MAF: variants seen among roughly 807,000 people sequenced by gnomAD.
MAF encodes the protein transcription factor Maf.
MAF carries 10 observed loss-of-function variants against 22.0 expected under a neutral mutation model. The observed-to-expected ratio is 0.45, with a 90% CI of 0.28 to 0.77. MAF has a LOEUF of 0.77. MAF is among the 30% of genes least tolerant of loss of function. The pLI is 0.12. For missense variants in MAF, 544 were observed against 548.4 expected (o/e 0.99, Z 0.08); for synonymous variants, 337 against 255.8 (o/e 1.32, Z -3.03).
chr16:79,420,897 G>T, the MAF span, among the ~76,000 whole-genome samples: 1 of 152,142 alleles, frequency 6.6e-6, no homozygotes, highest in Non-Finnish European at 1.5e-5. Context: ...ATCCAGGCAT[G>T]GGGGCAGGCA....
chr16:79,251,589 T>A, the MAF span, among the ~76,000 whole-genome samples: 1 of 152,212 alleles, frequency 6.6e-6, no homozygotes, highest in East Asian at 1.9e-4. Context: ...AGTGCTGGCA[T>A]GAGCCACTGC....
At chr16:79,434,072 G>C in the MAF span, among the ~76,000 whole-genome samples, 1 of 152,278 alleles carries the variant, frequency 6.6e-6, no homozygotes, top group Admixed American at 6.5e-5. Flanking sequence ...GTGAAGACTA[G>C]AGTCAAATAG....
chr16:79,222,003 A>T, the MAF span, among the ~76,000 whole-genome samples: 1 of 152,182 alleles, frequency 6.6e-6, no homozygotes, highest in Non-Finnish European at 1.5e-5. Context: ...AAATAATATC[A>T]TGAGAAACCG....
chr16:79,212,677 G>GTT, the MAF span: 1 of 151,780 alleles, frequency 6.6e-6, no homozygotes, highest in East Asian at 2.0e-4. Context: ...ATCACCTGAA[G>GTT]TTTGTATTGT....
chr16:79,212,149 A>C, the MAF span: 58 of 1,511,658 alleles, frequency 3.8e-5, no homozygotes, highest in Non-Finnish European at 5.0e-5. Flanking sequence ...CCCTCGTCCC[A>C]TCCAGCTACC....
chr16:79,221,624 C>G, the MAF span, among the ~76,000 whole-genome samples: 1 of 152,204 alleles, frequency 6.6e-6, no homozygotes, highest in Admixed American at 6.5e-5. Context: ...GCAGTTAATC[C>G]TAAAACAAGG....
At chr16:79,213,021 A>T in the MAF span, 1 of 92,646 alleles carries the variant, frequency 1.1e-5, no homozygotes, top group Non-Finnish European at 2.7e-5. Context: ...TGCAATTAGC[A>T]AGTACTTAGT....
the MAF span, among the ~76,000 whole-genome samples, chr16:79,349,775 C>T: frequency 6.6e-6 from 1 of 152,338 alleles, no homozygotes; most frequent in South Asian, 2.1e-4. Context: ...CCTCCTTGGG[C>T]TGCTAGCTAG....
At chr16:79,491,212 G>A in the MAF span, among the ~76,000 whole-genome samples, 1 of 152,100 alleles carries the variant, frequency 6.6e-6, no homozygotes, top group Non-Finnish European at 1.5e-5. Context: ...ACAGCAGTGA[G>A]GACCAGACTC....
At chr16:79,580,673 A>G in the MAF span, among the ~76,000 whole-genome samples, 1 of 152,106 alleles carries the variant, frequency 6.6e-6, no homozygotes, top group Non-Finnish European at 1.5e-5. Context: ...TCCTGGCCCC[A>G]TCACAAATTC....
At chr16:79,369,419 T>G in the MAF span, among the ~76,000 whole-genome samples, 6 of 152,346 alleles carry the variant, frequency 3.9e-5, no homozygotes, top group South Asian at 1.2e-3. Context: ...CTGCTATGTT[T>G]AGACAAACAT....
the MAF span, among the ~76,000 whole-genome samples, chr16:79,470,391 G>C: frequency 2.6e-5 from 4 of 152,156 alleles, no homozygotes; most frequent in African/African-American, 9.6e-5. Flanking sequence ...GGGCCCAGGG[G>C]ACCAGGATGG....
the MAF span, among the ~76,000 whole-genome samples, chr16:79,232,944 C>T: frequency 0.072 from 10,910 of 150,746 alleles, 565 homozygotes; most frequent in Middle Eastern, 0.15. Context: ...GGGTTCACGC[C>T]ATTCTCCTGC....
chr16:79,279,512 A>C, the MAF span, among the ~76,000 whole-genome samples: 2 of 152,192 alleles, frequency 1.3e-5, no homozygotes, highest in Non-Finnish European at 2.9e-5. Flanking sequence ...AGCGGGGAGC[A>C]CAGGCCAGGA....
chr16:79,579,822 G>A, the MAF span, among the ~76,000 whole-genome samples: 3 of 152,054 alleles, frequency 2.0e-5, no homozygotes, highest in Non-Finnish European at 4.4e-5. Flanking sequence ...ATTATTATTA[G>A]TGTGGAAGGA....
chr16:79,531,106 C>A, the MAF span, among the ~76,000 whole-genome samples: 1 of 152,214 alleles, frequency 6.6e-6, no homozygotes, highest in East Asian at 1.9e-4. Flanking sequence ...GTACTCTTAA[C>A]TTTCTAGATG....
At chr16:79,351,566 C>A in the MAF span, among the ~76,000 whole-genome samples, 5 of 152,072 alleles carry the variant, frequency 3.3e-5, no homozygotes, top group African/African-American at 4.8e-5. Context: ...GTCACAGAGA[C>A]CCAGAATCTC....
the MAF span, among the ~76,000 whole-genome samples, chr16:79,494,882 A>C: frequency 6.6e-6 from 1 of 152,084 alleles, no homozygotes; most frequent in Admixed American, 6.5e-5. Context: ...TGGGTTCTAT[A>C]ATTTGCTAGG....
At chr16:79,530,182 C>T in the MAF span, among the ~76,000 whole-genome samples, 2 of 152,102 alleles carry the variant, frequency 1.3e-5, no homozygotes, top group African/African-American at 4.8e-5. Flanking sequence ...TTTTAAGGTC[C>T]TGTTTATCTT....
Sources: allele counts gnomAD v4.1 joint callset (sites outside exome capture counted in the v4.1 genomes callset), GRCh38; gene constraint gnomAD v4.1.1; transcripts MANE v1.5; gene names NCBI Gene and HGNC (gene_info 2026-07-23, HGNC 2026-07-21).